GANC: variants seen among roughly 807,000 people sequenced by gnomAD.
GANC encodes glucosidase alpha, neutral C.
GANC carries 117 observed loss-of-function variants against 124.2 expected under a neutral mutation model. The ratio of observed to expected loss-of-function variants is 0.94; its 90% CI spans 0.81 to 1.10. The LOEUF is 1.10. Among genes scored for constraint, GANC ranks in the 50% least tolerant of loss-of-function variants. GANC has a pLI of 0.00. For missense variants in GANC, 1,140 were observed against 1,095.0 expected (o/e 1.04, Z -0.58); for synonymous variants, 377 against 376.8 (o/e 1.00, Z -0.01).
At chr15:42,350,002 C>G (rs2052410097) in intron 22 of GANC, among the ~76,000 whole-genome samples, 1 of 136,866 alleles carries the variant, frequency 7.3e-6, no homozygotes, top group Non-Finnish European at 1.6e-5. Flanking sequence ...CCCTTATTGT[C>G]TTCACCTTTC....
chr15:42,287,501 T>C (rs1158539481), intron 3 of GANC, among the ~76,000 whole-genome samples, 190 bp from the exon 4 acceptor site: 3 of 152,178 alleles, frequency 2.0e-5, no homozygotes, highest in African/African-American at 4.8e-5. Flanking sequence ...ATATTTCTTG[T>C]TGCTGCTGTA....
intron 6 of GANC, among the ~76,000 whole-genome samples, chr15:42,298,953 T>C (rs2051918283): frequency 6.6e-6 from 1 of 152,156 alleles, no homozygotes; most frequent in Non-Finnish European, 1.5e-5. Context: ...GTTTAAGGAT[T>C]TTTTTGGGGC....
chr15:42,342,627 CTGA>C (rs908852914), intron 18 of GANC, among the ~76,000 whole-genome samples: 2 of 152,072 alleles, frequency 1.3e-5, no homozygotes, highest in African/African-American at 4.8e-5. Flanking sequence ...TGCAGCCTCT[CTGA>C]TGATAACTCC....
At chr15:42,293,287 G>C (rs886996850) in intron 5 of GANC, among the ~76,000 whole-genome samples, 2 of 152,174 alleles carry the variant, frequency 1.3e-5, no homozygotes, top group African/African-American at 4.8e-5. Flanking sequence ...TTGAATAGTT[G>C]TCCAGGAATT....
chr15:42,310,899 C>T (rs974298105), intron 10 of GANC, 53 bp downstream of exon 10: 5 of 1,555,940 alleles, frequency 3.2e-6, no homozygotes, highest in Middle Eastern at 1.7e-4. Context: ...TCCAATGTCC[C>T]ATGTGTCATC....
chr15:42,345,858 T>C (rs1157736452), intron 20 of GANC, 26 bp downstream of exon 20: 1 of 1,499,312 alleles, frequency 6.7e-7, no homozygotes, highest in Non-Finnish European at 9.3e-7. Context: ...ACTACTATTT[T>C]TACCTATCAT....
intron 18 of GANC, 135 bp from the exon 19 acceptor site, chr15:42,342,943 A>G (rs994757936): frequency 1.5e-6 from 1 of 668,750 alleles, no homozygotes; most frequent in Non-Finnish European, 2.6e-6. Context: ...CATTGGTTCA[A>G]GTCAGTCTCT....
chr15:42,284,082 T>C (rs1243164281), intron 3 of GANC: 4 of 677,380 alleles, frequency 5.9e-6, no homozygotes, highest in Non-Finnish European at 1.1e-5. Flanking sequence ...TCTATGTCTT[T>C]TAGGTTAACA....
intron 3 of GANC, among the ~76,000 whole-genome samples, chr15:42,283,023 A>C (rs2051749493): frequency 6.6e-6 from 1 of 151,944 alleles, no homozygotes; most frequent in South Asian, 2.1e-4. Context: ...AAACCTAATT[A>C]CCTCCCAAGG....
At chr15:42,321,079 C>T (rs973539225) in intron 10 of GANC, among the ~76,000 whole-genome samples, 3 of 152,158 alleles carry the variant, frequency 2.0e-5, no homozygotes, top group African/African-American at 2.4e-5. Context: ...AAGTCCTTCA[C>T]GTTATCAGTA....
At chr15:42,306,519 A>G in intron 6 of GANC, 27 bp from the exon 7 acceptor site, 6 of 1,584,816 alleles carry the variant, frequency 3.8e-6, no homozygotes, top group Non-Finnish European at 5.2e-6. Context: ...TTGTAAACTC[A>G]GTTTGCTCCC....
At chr15:42,346,086 T>C (rs1267332809) in intron 20 of GANC, among the ~76,000 whole-genome samples, 1 of 152,192 alleles carries the variant, frequency 6.6e-6, no homozygotes. Flanking sequence ...AGGTGCTGTC[T>C]CAGTTTTCTT....
chr15:42,331,960 G>A (rs1274947481), intron 15 of GANC, among the ~76,000 whole-genome samples: 1 of 152,008 alleles, frequency 6.6e-6, no homozygotes, highest in Non-Finnish European at 1.5e-5. Flanking sequence ...ATATTTTCAG[G>A]ATATGTGTGA....
In GANC at chr15:42,300,882, G is replaced by A. The variant is rs111367141; in HGVS notation, c.558+3226G>A. 2.3e-3 allele frequency among the ~76,000 whole-genome samples: 357 copies of A among 152,166 alleles called. 4 individuals carry two copies. Among genetic ancestry groups the A allele is most frequent in the African/African-American group, 8.4e-3 (348 of 41,506 alleles). Reference sequence around the variant, plus strand: ...AAAAATACAAAATTAGCTGGGCGTGGTAGTGCATGCCTGTAATCCCAGCTA... The same window carrying A: ...AAAAATACAAAATTAGCTGGGCGTGATAGTGCATGCCTGTAATCCCAGCTA... On this transcript the variant is annotated intron_variant, in intron 6 of 23. Coordinates refer to ENST00000318010, the MANE Select transcript of GANC (RefSeq NM_198141.3).
At chr15:42,346,846 A>G (rs7183015) in intron 20 of GANC, among the ~76,000 whole-genome samples, 45,581 of 152,068 alleles carry the variant, frequency 0.3, 10,590 homozygotes, top group African/African-American at 0.64. Context: ...CACCTGAATT[A>G]CAACCACTGC....
intron 6 of GANC, among the ~76,000 whole-genome samples, chr15:42,305,738 A>G (rs1430083855): frequency 6.6e-6 from 1 of 152,226 alleles, no homozygotes; most frequent in Non-Finnish European, 1.5e-5. Flanking sequence ...TGTGGCACAT[A>G]CACACCATGA....
rs2051999897 is a variant in GANC at position 42,306,685 on chromosome 15, C to T, written c.625+73C>T. ...TCTACATAATTCTATCAAAAAGCCC[C>T]TTGATCTCTGGCACCTAAAACAGGT... On this transcript the variant is annotated intron_variant, in intron 7 of 23. Transcript: ENST00000318010. The T allele has an allele frequency of 2.3e-5, 24 of 1,052,294 alleles. No homozygotes were observed. In the South Asian group the frequency reaches 4.0e-4, roughly 17 times the overall value. 65.2% of individuals were successfully genotyped at this position (1,052,294 alleles called of 1,614,324 possible).
chr15:42,276,269 A>G (rs2051670290), intron 1 of GANC, 79 bp from the exon 2 acceptor site: 2 of 710,454 alleles, frequency 2.8e-6, no homozygotes, highest in East Asian at 5.2e-5. Context: ...GCATGTTCAT[A>G]CTGTCGTTAG....
chr15:42,276,247 A>G (rs2051669980), intron 1 of GANC, 101 bp from the exon 2 acceptor site: 2 of 648,372 alleles, frequency 3.1e-6, no homozygotes, highest in Admixed American at 2.8e-5. Flanking sequence ...ATAGACTCCA[A>G]AGGTTTATTT....
Sources: allele counts gnomAD v4.1 joint callset (sites outside exome capture counted in the v4.1 genomes callset), GRCh38; gene constraint gnomAD v4.1.1; transcripts MANE v1.5; gene names NCBI Gene and HGNC (gene_info 2026-07-23, HGNC 2026-07-21).